Variants in NLGN4X observed in about 807,000 individuals in gnomAD.
NLGN4X encodes neuroligin-4, X-linked.
Under a neutral mutation model 40.3 loss-of-function variants are expected in NLGN4X, and 3 were observed. The observed-to-expected ratio is 0.07, with a 90% CI of 0.03 to 0.19. The LOEUF is 0.19. Ranked by LOEUF, NLGN4X falls within the 10% of genes least tolerant of loss-of-function variation. NLGN4X has a pLI of 1.00. For synonymous variants in NLGN4X, 270 were observed against 306.8 expected, an observed-to-expected ratio of 0.88 and a Z score of 1.25; for missense variants, 382 against 708.3, an observed-to-expected ratio of 0.54 and a Z score of 5.23.
chrX:5,967,484 G>C (rs1216140519), intron 3 of NLGN4X, among the ~76,000 whole-genome samples: 1 of 110,741 alleles, frequency 9.0e-6, no homozygotes, highest in Non-Finnish European at 1.9e-5. Context: ...GCACATGAGA[G>C]ACCTCTTATA....
Position 5,890,672 on chromosome X carries a change from G to T in NLGN4X, c.*2145C>A. 3.1e-6 allele frequency: 1 copy of T among 324,183 alleles called. No individual in the cohort carries two copies. The highest frequency in any genetic ancestry group is 5.9e-6 in the Non-Finnish European group (1 of 168,264). 26.7% of individuals were successfully genotyped at this position (324,183 alleles called of 1,213,427 possible). On this transcript the variant is annotated 3_prime_UTR_variant, in exon 6 of 6. Coordinates refer to ENST00000381095, the MANE Select transcript of NLGN4X (RefSeq NM_181332.3). ...CTCTATGAAACAATGAATTCGGAAT[G>T]AAATCTTACCATGACACCTCTCTGT...
chrX:5,996,453 G>A lies in NLGN4X; in HGVS notation c.625+32827C>T, dbSNP rs922657158. 2.7e-5 allele frequency among the ~76,000 whole-genome samples: 3 copies of A among 111,720 alleles called. No individual in the cohort carries two copies. The Admixed American group carries it at 2.8e-4, about 11-fold the overall frequency. On this transcript the variant is annotated intron_variant, in intron 3 of 5. Coordinates refer to ENST00000381095, the MANE Select transcript of NLGN4X (RefSeq NM_181332.3). ...GGCACAGAGCCTCCACTTACACAGA[G>A]CAAAGGAGGCTGTGGGATAATGAAC...
chrX:6,016,865 C>CA (rs1432459721), intron 3 of NLGN4X, among the ~76,000 whole-genome samples: 2 of 111,704 alleles, frequency 1.8e-5, no homozygotes, highest in African/African-American at 3.3e-5. Context: ...GTCAGACACA[C>CA]AAAAAAGCAT....
At chrX:6,183,009 G>C (rs1921630399) in intron 1 of NLGN4X, among the ~76,000 whole-genome samples, 1 of 112,064 alleles carries the variant, frequency 8.9e-6, no homozygotes, top group Non-Finnish European at 1.9e-5. Context: ...TCCTAGTTAA[G>C]AAGTATACAG....
intron 3 of NLGN4X, chrX:5,991,660 G>A: frequency 2.7e-6 from 1 of 373,128 alleles, no homozygotes; most frequent in South Asian, 4.6e-5. Context: ...GCTAATAACA[G>A]TAAACAAGTG....
At chrX:6,125,520 CAAAT>C (rs779664302) in intron 2 of NLGN4X, among the ~76,000 whole-genome samples, 8 of 108,062 alleles carry the variant, frequency 7.4e-5, no homozygotes, top group Admixed American at 4.9e-4. Context: ...TTTAAAATAA[CAAAT>C]AAACAAAGTT....
chrX:5,897,346 C>T (rs1380163630), intron 5 of NLGN4X, among the ~76,000 whole-genome samples: 2 of 111,842 alleles, frequency 1.8e-5, no homozygotes, highest in East Asian at 2.8e-4. Context: ...CATTGATCAG[C>T]TTGGACGAAC....
At chrX:6,200,687 C>CTTTTTTTTTTTTTTT (rs767226691) in intron 1 of NLGN4X, among the ~76,000 whole-genome samples, 2 of 55,560 alleles carry the variant, frequency 3.6e-5, no homozygotes, top group African/African-American at 8.7e-5. Context: ...CTTTCCTTTT[C>CTTTTTTTTTTTTTTT]TTTTTTTTTT....
intron 3 of NLGN4X, among the ~76,000 whole-genome samples, chrX:5,983,830 C>T (rs2035455829): frequency 9.0e-6 from 1 of 111,484 alleles, no homozygotes; most frequent in Non-Finnish European, 1.9e-5. Flanking sequence ...ACTGTAGTCC[C>T]AGCTACTCAG....
At chrX:6,194,800 C>A (rs1922894408) in intron 1 of NLGN4X, among the ~76,000 whole-genome samples, 1 of 111,237 alleles carries the variant, frequency 9.0e-6, no homozygotes, top group African/African-American at 3.3e-5. Flanking sequence ...CAGCCAAGGG[C>A]AGGAGTTATT....
intron 1 of NLGN4X, among the ~76,000 whole-genome samples, chrX:6,209,380 T>C (rs916663138): frequency 9.0e-5 from 10 of 111,705 alleles, no homozygotes; most frequent in Non-Finnish European, 1.9e-4. Flanking sequence ...GTTAAATTTA[T>C]ATAAGTTTTT....
At position 6,186,270 on chromosome X, in the gene NLGN4X, T is replaced by C. The variant is rs565208663; in HGVS notation, c.-305-34499A>G. 5.4e-5 allele frequency among the ~76,000 whole-genome samples: 6 copies of C among 111,642 alleles called. No homozygotes were observed. In the South Asian group the frequency reaches 2.2e-3, roughly 42 times the overall value. On this transcript the variant is annotated intron_variant, in intron 1 of 5. Transcript: ENST00000381095. ...CTGGCACTGTAGTATAAAAGAACCATATATGAAAATGTAAATTTAAGTGTG... is the reference window on the plus strand; with the variant it reads ...CTGGCACTGTAGTATAAAAGAACCACATATGAAAATGTAAATTTAAGTGTG...
chrX:5,925,887 T>C (rs75315633), intron 3 of NLGN4X, among the ~76,000 whole-genome samples: 95 of 6,789 alleles, frequency 0.014, 3 homozygotes, highest in African/African-American at 0.02. Flanking sequence ...CACACATATA[T>C]ATATATATAT....
chrX:6,170,364 A>C (rs1211551457), intron 1 of NLGN4X, among the ~76,000 whole-genome samples: 1 of 112,436 alleles, frequency 8.9e-6, no homozygotes. Flanking sequence ...TTCACTGCCC[A>C]GTCTGCATTG....
At chrX:6,079,008 A>G (rs781433224) in intron 2 of NLGN4X, among the ~76,000 whole-genome samples, 1 of 111,774 alleles carries the variant, frequency 8.9e-6, no homozygotes, top group Non-Finnish European at 1.9e-5. Context: ...TGCCCTGTGA[A>G]GAAGGTGCTT....
chrX:6,150,383 T>C, intron 2 of NLGN4X, among the ~76,000 whole-genome samples: 1 of 112,437 alleles, frequency 8.9e-6, no homozygotes, highest in African/African-American at 3.2e-5. Flanking sequence ...GTAGCTAGAA[T>C]CATCTGATTA....
chrX:6,049,146 G>A (rs1252225170), intron 2 of NLGN4X, among the ~76,000 whole-genome samples: 14 of 92,783 alleles, frequency 1.5e-4, no homozygotes, highest in Non-Finnish European at 6.4e-5. Flanking sequence ...ATAACAGGAG[G>A]ATGTAAAGTG....
At chrX:6,226,053 A>T in intron 1 of NLGN4X, among the ~76,000 whole-genome samples, 1 of 96,232 alleles carries the variant, frequency 1.0e-5, no homozygotes, top group African/African-American at 3.8e-5. Context: ...TCCAAATGAC[A>T]GATCGGGATC....
intron 3 of NLGN4X, among the ~76,000 whole-genome samples, chrX:5,920,577 T>A (rs1164982790): frequency 8.9e-6 from 1 of 111,931 alleles, no homozygotes; most frequent in Admixed American, 9.5e-5. Context: ...TTGGTGTTAA[T>A]ACAAGATGTG....
Sources: gnomAD v4.1 joint callset for allele counts (sites outside exome capture counted in the v4.1 genomes callset) on GRCh38, gnomAD v4.1.1 for gene constraint, MANE v1.5 for transcripts, NCBI Gene and HGNC (gene_info 2026-07-23, HGNC 2026-07-21) for gene names.